Variants in DNAJC24 observed in about 807,000 individuals in gnomAD.
DNAJC24 encodes dnaJ homolog subfamily C member 24.
Under a neutral mutation model 18.0 loss-of-function variants are expected in DNAJC24, and 17 were observed. The ratio of observed to expected loss-of-function variants is 0.94; its 90% confidence interval spans 0.65 to 1.42. DNAJC24 has a LOEUF of 1.42. DNAJC24 is among the 40% of genes most tolerant of loss of function. The pLI is 0.00. For missense variants in DNAJC24, 158 were observed against 175.6 expected (o/e 0.90, Z 0.57); for synonymous variants, 55 against 57.7 (o/e 0.95, Z 0.21).
Position 31,375,652 on chromosome 11 carries a change from T to C in DNAJC24, c.111+4793T>C, listed in dbSNP as rs1952306175. ...AAGAGATAGGAGGGACCTGTCTTCATTGTTACAGGAAGGAAGGAAGGAAGA... is the reference window on the plus strand; with the variant it reads ...AAGAGATAGGAGGGACCTGTCTTCACTGTTACAGGAAGGAAGGAAGGAAGA... On this transcript the variant is annotated intron_variant, in intron 2 of 4. Coordinates refer to ENST00000465995, the MANE Select transcript of DNAJC24 (RefSeq NM_181706.5). 1.5e-5 allele frequency among the ~76,000 whole-genome samples: 2 copies of C among 134,536 alleles called. 1 individual carries two copies. The highest frequency in any genetic ancestry group is 5.1e-4 in the South Asian group (2 of 3,932). The allele number at this position is 134,536 out of a possible 152,430, so 88.3% of individuals were successfully genotyped here.
intron 2 of DNAJC24, among the ~76,000 whole-genome samples, chr11:31,397,187 A>T (rs1952550413): frequency 6.6e-6 from 1 of 152,162 alleles, no homozygotes; most frequent in Admixed American, 6.5e-5. Flanking sequence ...AAGGATAGGG[A>T]TCCCTGTTTA....
chr11:31,393,236 C>T (rs1218330553), intron 2 of DNAJC24, among the ~76,000 whole-genome samples: 2 of 152,134 alleles, frequency 1.3e-5, no homozygotes, highest in Admixed American at 6.5e-5. Flanking sequence ...GTTGTTTGGG[C>T]AGGGGATTCT....
At chr11:31,392,464 T>C (rs1952506539) in intron 2 of DNAJC24, among the ~76,000 whole-genome samples, 1 of 152,166 alleles carries the variant, frequency 6.6e-6, no homozygotes. Flanking sequence ...AAAGTCTACA[T>C]ACCAAGTGCT....
intron 2 of DNAJC24, among the ~76,000 whole-genome samples, chr11:31,404,702 T>G (rs1952637420): frequency 6.6e-6 from 1 of 152,242 alleles, no homozygotes; most frequent in Non-Finnish European, 1.5e-5. Context: ...CATAAATGCA[T>G]GCAAACTCTA....
At chr11:31,378,382 C>A (rs745956424) in intron 2 of DNAJC24, among the ~76,000 whole-genome samples, 12 of 152,104 alleles carry the variant, frequency 7.9e-5, no homozygotes, top group African/African-American at 2.7e-4. Context: ...ATAAACAATT[C>A]TTTTTCGTGA....
intron 2 of DNAJC24, chr11:31,374,170 C>A (rs1238762064): frequency 1.3e-5 from 5 of 371,132 alleles, no homozygotes; most frequent in African/African-American, 1.0e-4. Flanking sequence ...TTGCCTTGTT[C>A]CTGATTTTAA....
chr11:31,384,435 A>G (rs1222097615), intron 2 of DNAJC24, among the ~76,000 whole-genome samples: 1 of 152,182 alleles, frequency 6.6e-6, no homozygotes, highest in Non-Finnish European at 1.5e-5. Flanking sequence ...CACCAACTTC[A>G]TGGACTCAAT....
intron 2 of DNAJC24, among the ~76,000 whole-genome samples, chr11:31,394,993 A>AC (rs1453285801): frequency 6.6e-6 from 1 of 152,124 alleles, no homozygotes. Context: ...TAAGCATAGT[A>AC]CCCCCAATTG....
chr11:31,397,772 A>C (rs1202415677), intron 2 of DNAJC24, among the ~76,000 whole-genome samples: 1 of 152,112 alleles, frequency 6.6e-6, no homozygotes, highest in Non-Finnish European at 1.5e-5. Context: ...ATTTGCAATA[A>C]TGAAAATCAA....
chr11:31,423,489 G>A (rs563218407), intron 3 of DNAJC24, among the ~76,000 whole-genome samples: 22 of 152,252 alleles, frequency 1.4e-4, no homozygotes, highest in African/African-American at 5.3e-4. Context: ...TCGAACTCCT[G>A]ACCTCAGGTG....
chr11:31,386,269 G>A (rs1564948646), intron 2 of DNAJC24, among the ~76,000 whole-genome samples: 1 of 151,640 alleles, frequency 6.6e-6, no homozygotes, highest in South Asian at 2.1e-4. Context: ...AGCTAGGGTG[G>A]CCCAGGGAGT....
chr11:31,414,775 CTA>C, intron 2 of DNAJC24, 34 bp from the exon 3 acceptor site: 1 of 1,587,344 alleles, frequency 6.3e-7, no homozygotes, highest in Non-Finnish European at 8.6e-7. Flanking sequence ...TCAGCTCTCT[CTA>C]CTCACCCCCT....
Position 31,385,516 on chromosome 11 carries a change from A to G in DNAJC24, c.111+14657A>G, listed in dbSNP as rs79846262. The stretch of plus-strand genomic sequence containing the variant: ...ATCTTAGAAATGTAAAAATTTAATC[A>G]CTTACTGTCCCACCATATGATTGAC... On this transcript the variant is annotated intron_variant, in intron 2 of 4. Transcript: ENST00000465995. Among the ~76,000 whole-genome samples the G allele has an allele frequency of 2.0e-4, 31 of 152,338 alleles. No individual in the cohort carries two copies. In the East Asian group the frequency reaches 5.8e-3, roughly 28 times the overall value.
At chr11:31,396,860 T>C (rs756023921) in intron 2 of DNAJC24, among the ~76,000 whole-genome samples, 2 of 152,184 alleles carry the variant, frequency 1.3e-5, no homozygotes, top group Non-Finnish European at 2.9e-5. Context: ...CCAACCATTC[T>C]TTCACTCATT....
At chr11:31,411,079 T>C (rs1296452350) in intron 2 of DNAJC24, among the ~76,000 whole-genome samples, 3 of 152,138 alleles carry the variant, frequency 2.0e-5, no homozygotes, top group African/African-American at 7.2e-5. Flanking sequence ...AAATAAGACT[T>C]GACAACAGAA....
intron 3 of DNAJC24, among the ~76,000 whole-genome samples, chr11:31,424,417 C>G (rs1222549897): frequency 3.9e-5 from 6 of 152,024 alleles, no homozygotes; most frequent in Admixed American, 6.5e-5. Context: ...AGCAAACAAC[C>G]CTGGTCCTTC....
At position 31,373,668 on chromosome 11, in the gene DNAJC24, A is replaced by G. The variant is rs1034033397; in HGVS notation, c.111+2809A>G. 1.4e-4 allele frequency among the ~76,000 whole-genome samples: 19 copies of G among 134,982 alleles called. 4 individuals are homozygous for G. Among genetic ancestry groups the G allele is most frequent in the Admixed American group, 1.2e-3 (16 of 13,154 alleles). The allele number at this position is 134,982 out of a possible 152,430, so 88.6% of individuals were successfully genotyped here. A position where few individuals can be genotyped will look rare whatever the true frequency, so the allele number is the denominator to read the frequency against. On this transcript the variant is annotated intron_variant, in intron 2 of 4. Transcript: ENST00000465995. ...GCTTGAGTTTTCAACTGGGATTGCA[A>G]TAATAGGTATCCACTTTGGTAGAAT...
chr11:31,416,701 CAT>C (rs1443012864), intron 3 of DNAJC24: 1 of 152,004 alleles, frequency 6.6e-6, no homozygotes, highest in Non-Finnish European at 1.5e-5. Context: ...GATCAGGAAT[CAT>C]AAAAATATTT....
intron 2 of DNAJC24, among the ~76,000 whole-genome samples, chr11:31,372,802 G>T (rs955373763): frequency 1.5e-5 from 2 of 134,826 alleles, no homozygotes; most frequent in African/African-American, 5.0e-5. Flanking sequence ...TTGACATTTT[G>T]GGCAGGATAA....
Sources: gnomAD v4.1 joint callset for allele counts (sites outside exome capture counted in the v4.1 genomes callset) on GRCh38, gnomAD v4.1.1 for gene constraint, MANE v1.5 for transcripts, NCBI Gene and HGNC (gene_info 2026-07-23, HGNC 2026-07-21) for gene names.